Variants in CDKAL1 observed in about 807,000 individuals in gnomAD.
CDKAL1 encodes the protein CDKAL1 threonylcarbamoyladenosine tRNA methylthiotransferase.
CDKAL1 carries 32 observed loss-of-function variants against 68.2 expected under a neutral mutation model. The observed-to-expected ratio is 0.47, with a 90% CI of 0.35 to 0.63. The LOEUF (loss-of-function observed/expected upper bound fraction) is 0.63. Among genes scored for constraint, CDKAL1 ranks in the 30% least tolerant of loss-of-function variants. The probability of loss-of-function intolerance (pLI) is 0.00; values close to 1 mark genes in which losing one functional copy is unlikely to be tolerated. For missense variants in CDKAL1, 606 were observed against 696.7 expected, an observed-to-expected ratio of 0.87 and a Z score of 1.47; for synonymous variants, 234 against 244.3, an observed-to-expected ratio of 0.96 and a Z score of 0.39.
At chr6:21,034,264 A>C (rs1354932733) in intron 11 of CDKAL1, among the ~76,000 whole-genome samples, 3 of 152,126 alleles carry the variant, frequency 2.0e-5, no homozygotes, top group African/African-American at 7.2e-5. Flanking sequence ...GATACAGAAG[A>C]TGAAGACAAA....
chr6:20,981,225 G>A (rs572981482), intron 10 of CDKAL1, among the ~76,000 whole-genome samples: 44 of 152,328 alleles, frequency 2.9e-4, no homozygotes, highest in Admixed American at 6.5e-4. Context: ...CAAACACCCA[G>A]ATGGGAGTAT....
chr6:21,074,327 T>G (rs936107873), intron 12 of CDKAL1, among the ~76,000 whole-genome samples: 2 of 152,192 alleles, frequency 1.3e-5, no homozygotes, highest in African/African-American at 4.8e-5. Context: ...TTTACATGGC[T>G]GTTTTCTTAA....
At chr6:20,736,712 G>C (rs7744943) in intron 5 of CDKAL1, among the ~76,000 whole-genome samples, 117,842 of 151,496 alleles carry the variant, frequency 0.78, 46,319 homozygotes, top group Middle Eastern at 0.86. Flanking sequence ...GCGGAACTTG[G>C]AGTGAGCCAA....
intron 9 of CDKAL1, among the ~76,000 whole-genome samples, chr6:20,924,105 A>G (rs1398137074): frequency 6.6e-6 from 1 of 151,690 alleles, no homozygotes; most frequent in African/African-American, 2.4e-5. Context: ...TGTGAATGCA[A>G]AAGAGGTTAT....
chr6:21,087,095 A>G (rs1278424071), intron 12 of CDKAL1, among the ~76,000 whole-genome samples: 1 of 152,198 alleles, frequency 6.6e-6, no homozygotes, highest in African/African-American at 2.4e-5. Flanking sequence ...TTCTGCACCC[A>G]GGCCTAAGAC....
intron 5 of CDKAL1, among the ~76,000 whole-genome samples, chr6:20,693,267 C>A (rs1240518484): frequency 6.6e-6 from 1 of 151,718 alleles, no homozygotes; most frequent in African/African-American, 2.4e-5. Flanking sequence ...ATCTTTGTTT[C>A]CTTTTCAAAT....
At chr6:20,917,471 T>C (rs1393040331) in intron 9 of CDKAL1, among the ~76,000 whole-genome samples, 2 of 152,214 alleles carry the variant, frequency 1.3e-5, no homozygotes, top group African/African-American at 4.8e-5. Context: ...ATACAAAGTA[T>C]ACTTGTTCTG....
chr6:20,932,851 A>G (rs1581857228), intron 9 of CDKAL1, among the ~76,000 whole-genome samples: 1 of 152,214 alleles, frequency 6.6e-6, no homozygotes, highest in East Asian at 1.9e-4. Context: ...GGAACCCAGC[A>G]AACAATATTA....
chr6:20,593,334 G>A (rs1765674723), intron 4 of CDKAL1, among the ~76,000 whole-genome samples: 2 of 152,096 alleles, frequency 1.3e-5, no homozygotes. Flanking sequence ...ATTAATTACT[G>A]CCTCAATTTC....
chr6:20,640,808 C>T (rs1046886412), intron 4 of CDKAL1, among the ~76,000 whole-genome samples: 6 of 152,118 alleles, frequency 3.9e-5, no homozygotes, highest in Non-Finnish European at 8.8e-5. Context: ...CCGTGTGATT[C>T]TAGGCAAGTT....
chr6:20,881,711 T>A (rs1223234952), intron 9 of CDKAL1, among the ~76,000 whole-genome samples: 2 of 152,218 alleles, frequency 1.3e-5, no homozygotes, highest in Non-Finnish European at 1.5e-5. Context: ...AACATGTTGC[T>A]TTTCTTTCTC....
chr6:21,101,947 GTTAT>G (rs1485655181), intron 12 of CDKAL1, among the ~76,000 whole-genome samples: 2 of 152,072 alleles, frequency 1.3e-5, no homozygotes, highest in Non-Finnish European at 1.5e-5. Context: ...AATTTAAGGT[GTTAT>G]TTTTTTTCTG....
At chr6:20,982,052 TTTA>T (rs1766181950) in intron 10 of CDKAL1, among the ~76,000 whole-genome samples, 1 of 135,546 alleles carries the variant, frequency 7.4e-6, no homozygotes, top group Non-Finnish European at 1.5e-5. Flanking sequence ...GAAATTCTTA[TTTA>T]TTTATTTATT....
intron 13 of CDKAL1, among the ~76,000 whole-genome samples, chr6:21,131,770 T>A (rs1013697730): frequency 2.0e-5 from 3 of 152,162 alleles, no homozygotes; most frequent in African/African-American, 4.8e-5. Context: ...TCAGGGGAGA[T>A]CTCTGCATTA....
At chr6:21,099,998 C>A (rs992200567) in intron 12 of CDKAL1, among the ~76,000 whole-genome samples, 2 of 152,198 alleles carry the variant, frequency 1.3e-5, no homozygotes, top group African/African-American at 4.8e-5. Context: ...GGTATGGCAA[C>A]CTACATTTTA....
chr6:20,632,728 A>G (rs771011840), intron 4 of CDKAL1, among the ~76,000 whole-genome samples: 14 of 152,328 alleles, frequency 9.2e-5, no homozygotes, highest in Non-Finnish European at 2.1e-4. Context: ...TCCAATAATA[A>G]TAGCATAGTC....
intron 10 of CDKAL1, among the ~76,000 whole-genome samples, chr6:20,982,521 C>G (rs538123060): frequency 6.6e-6 from 1 of 151,498 alleles, no homozygotes; most frequent in East Asian, 1.9e-4. Context: ...TCATTGGAAA[C>G]ACAAAGAGAG....
intron 4 of CDKAL1, among the ~76,000 whole-genome samples, chr6:20,606,007 A>G (rs1766318302): frequency 6.6e-6 from 1 of 152,176 alleles, no homozygotes; most frequent in Admixed American, 6.5e-5. Context: ...ACTGCCTTGC[A>G]CAACTGCAGC....
At chr6:20,793,816 A>G (rs1447001511) in intron 8 of CDKAL1, among the ~76,000 whole-genome samples, 1 of 147,254 alleles carries the variant, frequency 6.8e-6, no homozygotes, top group Admixed American at 6.8e-5. Context: ...ATATATATAT[A>G]TCCTAATTAG....
Sources: allele counts gnomAD v4.1 joint callset (sites outside exome capture counted in the v4.1 genomes callset), GRCh38; gene constraint gnomAD v4.1.1; transcripts MANE v1.5; gene names NCBI Gene and HGNC (gene_info 2026-07-23, HGNC 2026-07-21).